The following PDGFRB variants were observed in gnomAD, a reference collection of about 807,000 sequenced individuals.
PDGFRB encodes the protein platelet derived growth factor receptor beta.
In PDGFRB, 42 loss-of-function variants were observed where a neutral mutation model predicts 120.2. The ratio of observed to expected loss-of-function variants is 0.35; its 90% CI spans 0.27 to 0.45. The LOEUF is 0.45. Among genes scored for constraint, PDGFRB ranks in the 20% least tolerant of loss-of-function variants. The pLI is 1.00. For synonymous variants in PDGFRB, 586 were observed against 606.8 expected (o/e 0.97, Z 0.50); for missense variants, 1,149 against 1,476.3 (o/e 0.78, Z 3.63).
intron 22 of PDGFRB, among the ~76,000 whole-genome samples, chr5:150,117,184 C>A (rs533002483): frequency 6.6e-6 from 1 of 152,326 alleles, no homozygotes; most frequent in South Asian, 2.1e-4. Context: ...CTCCTACAAC[C>A]AAGCAGGCTC....
intron 10 of PDGFRB, among the ~76,000 whole-genome samples, chr5:150,128,967 A>G (rs1760372290): frequency 6.6e-6 from 1 of 152,216 alleles, no homozygotes; most frequent in South Asian, 2.1e-4. Flanking sequence ...GCATGTATGC[A>G]TAAGGACGGG....
chr5:150,130,628 G>A lies in PDGFRB; in HGVS notation c.1278C>T (p.His426=), dbSNP rs1760438629. ...GGACTGTCTGTTCCCCACTGTCAGG[G>A]TGGCTCTCACTTAGCTCCAGCACTC... ...PVRVLELSES[H]PDSGEQTVRC... is the part of the protein sequence containing the mutation. The change falls in exon 9 of 23, where the codon CAC becomes CAT. Residue 426 remains histidine, a synonymous_variant. Coordinates refer to ENST00000261799, the MANE Select transcript of PDGFRB (RefSeq NM_002609.4). 5.6e-6 allele frequency: 9 copies of A among 1,612,742 alleles called. No individual in the cohort carries two copies. The South Asian group carries it at 9.9e-5, about 18-fold the overall frequency.
rs1229378686 is a variant in PDGFRB, at chr5:150,121,535, C to A, written c.2345-213G>T. Among the ~76,000 whole-genome samples the A allele has an allele frequency of 6.6e-6, 1 of 152,234 alleles. No homozygotes were observed. Among genetic ancestry groups the A allele is most frequent in the African/African-American group, 2.4e-5 (1 of 41,462 alleles). On this transcript the variant is annotated intron_variant, in intron 16 of 22. Transcript: ENST00000261799. This position sits in a 1 kb window ranked among gnomAD's most constrained non-coding sequence, Gnocchi z 4.1. ...TGGCCTTTTGGCATTAGCCCTTGGGCCACTTTTGCCCAGCCTGGCCTGCCT... is the reference window on the plus strand; with the variant it reads ...TGGCCTTTTGGCATTAGCCCTTGGGACACTTTTGCCCAGCCTGGCCTGCCT...
chr5:150,129,249 A>G (rs941596254), intron 10 of PDGFRB, among the ~76,000 whole-genome samples: 2 of 152,230 alleles, frequency 1.3e-5, no homozygotes, highest in Non-Finnish European at 2.9e-5. Context: ...GCATACAGAC[A>G]TACACTGTGG....
intron 10 of PDGFRB, among the ~76,000 whole-genome samples, chr5:150,127,976 C>T (rs1410835578): frequency 6.6e-6 from 1 of 152,134 alleles, no homozygotes; most frequent in African/African-American, 2.4e-5. Flanking sequence ...CGTCTCTCAC[C>T]CCTTATCCAT....
intron 4 of PDGFRB, 68 bp downstream of exon 4, chr5:150,134,682 A>G (rs918637999): frequency 1.4e-6 from 2 of 1,433,086 alleles, no homozygotes; most frequent in Admixed American, 2.2e-5. Flanking sequence ...TGTAAACTGT[A>G]AAGGGCTATT....
In PDGFRB at chr5:150,136,992, T is replaced by C. The variant is rs1462229401; in HGVS notation, c.40+16A>G. ...GCAGCCCCCCGGGTCCCCTACCTTA[T>C]CTCCCATCTACCCACCTTTGAGGGC... On this transcript the variant is annotated intron_variant, in intron 2 of 22. Transcript: ENST00000261799. 28 of 1,609,692 alleles carry C rather than the reference T, an allele frequency of 1.7e-5. No homozygotes were observed. In the Middle Eastern group the frequency reaches 5.0e-4, roughly 29 times the overall value.
intron 1 of PDGFRB, among the ~76,000 whole-genome samples, chr5:150,142,314 G>A (rs1007966376): frequency 1.3e-5 from 2 of 152,144 alleles, no homozygotes; most frequent in Non-Finnish European, 2.9e-5. Flanking sequence ...AAGGCCCCAG[G>A]CTTCAGGCTA....
At chr5:150,150,551 G>C (rs972546720) in intron 1 of PDGFRB, among the ~76,000 whole-genome samples, 8 of 148,554 alleles carry the variant, frequency 5.4e-5, no homozygotes, top group Non-Finnish European at 1.0e-4. Context: ...AGTACACTTT[G>C]ATTTTCAGCC....
At chr5:150,129,480 G>A (rs1760390205) in intron 10 of PDGFRB, among the ~76,000 whole-genome samples, 1 of 152,218 alleles carries the variant, frequency 6.6e-6, no homozygotes, top group South Asian at 2.1e-4. Context: ...GCATGCTCAT[G>A]TACATGGCTT....
At chr5:150,155,321 ACC>A in intron 1 of PDGFRB, 74 bp downstream of exon 1, 3 of 101,116 alleles carry the variant, frequency 3.0e-5, no homozygotes, top group Admixed American at 2.2e-4. Context: ...TTTTTTTTTT[ACC>A]TACTCGAAGA....
chr5:150,143,056 G>C lies in PDGFRB; in HGVS notation c.-6-6003C>G, dbSNP rs113008894. 1.7e-3 allele frequency among the ~76,000 whole-genome samples: 262 copies of C among 152,228 alleles called. 2 individuals are homozygous for C. Among genetic ancestry groups the C allele is most frequent in the African/African-American group, 5.8e-3 (242 of 41,536 alleles). On this transcript the variant is annotated intron_variant, in intron 1 of 22. Transcript: ENST00000261799. ...CGAGCCATGATGGTGTTGATGGCTG[G>C]ATGTCAGTAGTGGACTTTGTTGATG...
At chr5:150,149,310 T>G (rs1470244547) in intron 1 of PDGFRB, among the ~76,000 whole-genome samples, 1 of 152,162 alleles carries the variant, frequency 6.6e-6, no homozygotes, top group African/African-American at 2.4e-5. Flanking sequence ...CTACATAATT[T>G]GTGGGGCAAG....
rs925030963 is a variant in PDGFRB at position 150,132,683 on chromosome 5, C to T, written c.1127+67G>A. ...TGGGCCTAGGTTTGTGGCTGAAAGCCGAGGGCTGCCTGGCGGCTGCAAAGA... is the reference window on the plus strand; with the variant it reads ...TGGGCCTAGGTTTGTGGCTGAAAGCTGAGGGCTGCCTGGCGGCTGCAAAGA... On this transcript the variant is annotated intron_variant, in intron 7 of 22. Coordinates refer to ENST00000261799, the MANE Select transcript of PDGFRB (RefSeq NM_002609.4). This position sits in a 1 kb window ranked among gnomAD's most constrained non-coding sequence, Gnocchi z 5.0. The T allele has an allele frequency of 1.0e-5, 15 of 1,476,998 alleles. No homozygotes were observed. The highest frequency in any genetic ancestry group is 1.8e-4 in the Middle Eastern group (1 of 5,632). 91.5% of individuals were successfully genotyped at this position (1,476,998 alleles called of 1,614,324 possible). A position where few individuals can be genotyped will look rare whatever the true frequency, so the allele number is the denominator to read the frequency against.
At position 150,123,216 on chromosome 5, in the gene PDGFRB, G is replaced by A. The variant is rs1420327917; in HGVS notation, c.2024-15C>T. 1 of 1,607,028 alleles carries A rather than the reference G, an allele frequency of 6.2e-7. No homozygotes were observed. The highest frequency in any genetic ancestry group is 1.1e-5 in the South Asian group (1 of 90,982). On this transcript the variant is annotated splice_polypyrimidine_tract_variant and intron_variant, in intron 14 of 22. Transcript: ENST00000261799. ...ATAGATGGGTCCTGCAGAGGGACAG[G>A]CTCAGGGACAGTCCCTATGGAGGCC...
rs1760116555 is a variant in PDGFRB, at chr5:150,121,072, T to C, written c.2464-62A>G. 7.0e-6 allele frequency: 11 copies of C among 1,578,814 alleles called. No individual in the cohort carries two copies. Among genetic ancestry groups the C allele is most frequent in the Non-Finnish European group, 8.7e-6 (10 of 1,148,224 alleles). ...CAATTGTGGGGAAAGACCCTTCATG[T>C]CAAGGGCTTTGGGAAAATACAACAC... is the stretch of plus-strand genomic sequence containing the variant. On this transcript the variant is annotated intron_variant, in intron 17 of 22. Transcript: ENST00000261799. This position sits in a 1 kb window ranked among gnomAD's most constrained non-coding sequence, Gnocchi z 4.1.
At position 150,135,026 on chromosome 5, in the gene PDGFRB, G is replaced by A; in HGVS notation, c.365-10C>T. ...AAGCCCACGGTGGGATCTGCCAGGA[G>A]TGGAGCCGTGAATAAATCAGGGGAA... On this transcript the variant is annotated splice_polypyrimidine_tract_variant and intron_variant, in intron 3 of 22. Transcript: ENST00000261799. 1 of 1,408,960 alleles carries A rather than the reference G, an allele frequency of 7.1e-7. No homozygotes were observed. The highest frequency in any genetic ancestry group is 2.3e-5 in the East Asian group (1 of 43,826). 87.3% of individuals were successfully genotyped at this position (1,408,960 alleles called of 1,614,324 possible).
At chr5:150,125,891 A>C (rs1481408893) in intron 11 of PDGFRB, among the ~76,000 whole-genome samples, 2 of 152,194 alleles carry the variant, frequency 1.3e-5, no homozygotes, top group Non-Finnish European at 2.9e-5. Context: ...AGATGGAAGT[A>C]GTAGAGCAGG....
intron 4 of PDGFRB, 70 bp downstream of exon 4, chr5:150,134,680 G>A: frequency 4.9e-6 from 7 of 1,424,250 alleles, no homozygotes; most frequent in Non-Finnish European, 6.7e-6. Flanking sequence ...TTTGTAAACT[G>A]TAAAGGGCTA....
Sources: allele counts gnomAD v4.1 joint callset (sites outside exome capture counted in the v4.1 genomes callset), GRCh38; gene constraint gnomAD v4.1.1; non-coding constraint Gnocchi (gnomAD v3.1); transcripts MANE v1.5; gene names NCBI Gene and HGNC (gene_info 2026-07-23, HGNC 2026-07-21).